The following DCAF17 variants were observed in gnomAD, a reference collection of about 807,000 sequenced individuals.
DCAF17 encodes DDB1 and CUL4 associated factor 17.
In DCAF17, 48 loss-of-function variants were observed where a neutral mutation model predicts 66.0. The observed-to-expected ratio is 0.73, with a 90% CI of 0.58 to 0.92. The LOEUF (loss-of-function observed/expected upper bound fraction) is 0.92. DCAF17 is among the 40% of genes least tolerant of loss of function. The pLI, the probability that DCAF17 is intolerant of heterozygous loss-of-function variation, is 0.00. For synonymous variants in DCAF17, 206 were observed against 214.6 expected, an observed-to-expected ratio of 0.96 and a Z score of 0.35; for missense variants, 562 against 622.8, an observed-to-expected ratio of 0.90 and a Z score of 1.04.
intron 3 of DCAF17, among the ~76,000 whole-genome samples, chr2:171,445,787 A>T (rs189080965): frequency 7.9e-5 from 12 of 152,200 alleles, no homozygotes; most frequent in Non-Finnish European, 1.6e-4. Context: ...GGCTCAGGTG[A>T]TCCTTCCACC....
intron 2 of DCAF17, among the ~76,000 whole-genome samples, chr2:171,435,528 G>C (rs1338921747): frequency 6.8e-6 from 1 of 146,814 alleles, no homozygotes; most frequent in Non-Finnish European, 1.5e-5. Context: ...TTGATGGATT[G>C]TGTTTTGGAA....
At chr2:171,470,547 A>G (rs937526294) in intron 9 of DCAF17, among the ~76,000 whole-genome samples, 12 of 152,044 alleles carry the variant, frequency 7.9e-5, no homozygotes, top group African/African-American at 2.9e-4. Context: ...TACTTATCAC[A>G]TGGCTGCTCC....
chr2:171,438,947 T>A (rs116360378), intron 2 of DCAF17, among the ~76,000 whole-genome samples: 26 of 104,572 alleles, frequency 2.5e-4, no homozygotes, highest in African/African-American at 8.5e-4. Context: ...TTGCCCAAGC[T>A]GATCTCATAC....
intron 11 of DCAF17, among the ~76,000 whole-genome samples, chr2:171,477,612 G>C (rs1696557472): frequency 6.6e-6 from 1 of 152,118 alleles, no homozygotes; most frequent in South Asian, 2.1e-4. Flanking sequence ...TGGGTGACAT[G>C]GTAAACCCTG....
At position 171,458,478 on chromosome 2, in the gene DCAF17, G is replaced by A. The variant is rs1695388817; in HGVS notation, c.838+1G>A. ...ATTCCTTGTAATATTAAAATCACAG[G>A]TATGGCTACTCTATAGTATTTTTTC... is the stretch of plus-strand genomic sequence containing the variant. On this transcript the variant is annotated splice_donor_variant, in intron 8 of 13. Transcript: ENST00000375255. LOFTEE classifies it high-confidence loss of function. The A allele has an allele frequency of 6.2e-7, 1 of 1,604,816 alleles. No homozygotes were observed. Among genetic ancestry groups the A allele is most frequent in the Non-Finnish European group, 8.5e-7 (1 of 1,171,762 alleles).
In DCAF17 at chr2:171,443,631, A is replaced by G; in HGVS notation, c.321+18A>G. ...GCCCAGTGGTAAGATTTGTTTTTAG[A>G]GCGTTTGTTTCTAAAGCATTTTTAG... On this transcript the variant is annotated intron_variant, in intron 3 of 13. Transcript: ENST00000375255. The G allele has an allele frequency of 6.2e-7, 1 of 1,602,556 alleles. No homozygotes were observed.
In DCAF17 at chr2:171,447,029, G is replaced by A. The variant is rs565197695; in HGVS notation, c.322-1652G>A. On this transcript the variant is annotated intron_variant, in intron 3 of 13. Transcript: ENST00000375255. Reference sequence around the variant, plus strand: ...TTCTCGGACAGTTAATTTCAGCTTCGTAGAGATTTCTGACCAAATTAAGGA... The same window carrying A: ...TTCTCGGACAGTTAATTTCAGCTTCATAGAGATTTCTGACCAAATTAAGGA... Among the ~76,000 whole-genome samples, 9 of 152,068 alleles carry A rather than the reference G, an allele frequency of 5.9e-5. No homozygotes were observed. In the East Asian group the frequency reaches 7.7e-4, roughly 13 times the overall value.
At chr2:171,441,636 A>G (rs1694312585) in intron 2 of DCAF17, among the ~76,000 whole-genome samples, 1 of 152,186 alleles carries the variant, frequency 6.6e-6, no homozygotes, top group African/African-American at 2.4e-5. Flanking sequence ...CTTGGAAAAC[A>G]GGGAGCCTTG....
intron 8 of DCAF17, among the ~76,000 whole-genome samples, chr2:171,466,754 TC>T (rs1695924775): frequency 6.6e-6 from 1 of 150,842 alleles, no homozygotes. Context: ...TATTTTGAAT[TC>T]CTATGTCCTC....
rs929214777 is a variant in DCAF17, at chr2:171,483,856, G to A, written c.*2742G>A. 2.2e-6 allele frequency: 1 copy of A among 453,958 alleles called. No individual in the cohort carries two copies. The highest frequency in any genetic ancestry group is 4.4e-6 in the Non-Finnish European group (1 of 226,766). 28.1% of individuals were successfully genotyped at this position (453,958 alleles called of 1,614,324 possible). On this transcript the variant is annotated 3_prime_UTR_variant, in exon 14 of 14. Transcript: ENST00000375255. ...CCCACAACTAGTCAGTGCAGAGGTG[G>A]GAAACATAACCAGATTTGTTCGGCA... is the stretch of plus-strand genomic sequence containing the variant.
chr2:171,484,412 A>G lies in DCAF17; in HGVS notation c.*3298A>G, dbSNP rs902011327. Reference sequence around the variant, plus strand: ...CATACAGTAAAATTGAAAGAATTTTATAGTAAATACTGACCACGGGGATTC... The same window carrying G: ...CATACAGTAAAATTGAAAGAATTTTGTAGTAAATACTGACCACGGGGATTC... On this transcript the variant is annotated 3_prime_UTR_variant, in exon 14 of 14. Coordinates refer to ENST00000375255, the MANE Select transcript of DCAF17 (RefSeq NM_025000.4). 7 of 394,602 alleles carry G rather than the reference A, an allele frequency of 1.8e-5. No homozygotes were observed. The highest frequency in any genetic ancestry group is 8.5e-5 in the African/African-American group (4 of 47,194). 24.4% of individuals were successfully genotyped at this position (394,602 alleles called of 1,614,324 possible).
chr2:171,447,501 T>A (rs183836178), intron 3 of DCAF17: 2 of 191,842 alleles, frequency 1.0e-5, no homozygotes, highest in East Asian at 3.5e-4. Context: ...GCTGGGATTA[T>A]AGGCAAGCAC....
chr2:171,443,313 G>A, intron 2 of DCAF17: 1 of 444,164 alleles, frequency 2.3e-6, no homozygotes, highest in Non-Finnish European at 4.0e-6. Context: ...GTTATTTTTG[G>A]CAGTTTTATG....
Position 171,458,100 on chromosome 2 carries a change from G to A in DCAF17, c.732+25G>A, listed in dbSNP as rs146140606. ...GGTAGAGAAAACTGAAATTTGTCATGTTACTATTAGCATGAGTTTTCGACT... is the reference window on the plus strand; with the variant it reads ...GGTAGAGAAAACTGAAATTTGTCATATTACTATTAGCATGAGTTTTCGACT... On this transcript the variant is annotated intron_variant, in intron 7 of 13. Transcript: ENST00000375255. The A allele has an allele frequency of 5.1e-4, 816 of 1,584,782 alleles. 6 individuals are homozygous for A. In the African/African-American group the frequency reaches 9.9e-3, roughly 19 times the overall value.
intron 3 of DCAF17, chr2:171,447,456 GT>G: frequency 4.1e-6 from 1 of 244,790 alleles, no homozygotes; most frequent in Non-Finnish European, 8.3e-6. Flanking sequence ...CACCTCCCGG[GT>G]TCAAGTGATT....
intron 5 of DCAF17, among the ~76,000 whole-genome samples, chr2:171,451,833 G>A (rs952235867): frequency 9.7e-4 from 147 of 152,290 alleles, no homozygotes; most frequent in African/African-American, 3.4e-3. Context: ...ATTTACAGGC[G>A]TGAACCACCA....
chr2:171,450,115 A>G, intron 5 of DCAF17, 158 bp downstream of exon 5: 1 of 599,578 alleles, frequency 1.7e-6, no homozygotes, highest in Non-Finnish European at 3.0e-6. Flanking sequence ...CATTATTCTA[A>G]GTGAAGTAAC....
chr2:171,478,711 A>G (rs368080589), intron 12 of DCAF17, among the ~76,000 whole-genome samples: 68 of 152,364 alleles, frequency 4.5e-4, no homozygotes, highest in African/African-American at 1.5e-3. Context: ...ATTTTTAGGT[A>G]GAAACATTAG....
chr2:171,473,453 C>A (rs1696353925), intron 9 of DCAF17, among the ~76,000 whole-genome samples: 1 of 151,880 alleles, frequency 6.6e-6, no homozygotes, highest in Admixed American at 6.6e-5. Context: ...TAAAAAAAAA[C>A]AAACAACATA....
Sources: allele counts gnomAD v4.1 joint callset (sites outside exome capture counted in the v4.1 genomes callset), GRCh38; gene constraint gnomAD v4.1.1; transcripts MANE v1.5; gene names NCBI Gene and HGNC (gene_info 2026-07-23, HGNC 2026-07-21).